The following VPS41 variants were observed in gnomAD, a reference collection of about 807,000 sequenced individuals.
VPS41 encodes vacuolar protein sorting-associated protein 41 homolog.
VPS41 carries 85 observed loss-of-function variants against 130.9 expected under a neutral mutation model. The ratio of observed to expected loss-of-function variants is 0.65; its 90% CI spans 0.55 to 0.78. The LOEUF is 0.78. VPS41 is among the 30% of genes least tolerant of loss of function. The probability of loss-of-function intolerance (pLI) is 0.00; values close to 1 mark genes in which losing one functional copy is unlikely to be tolerated. For synonymous variants in VPS41, 335 were observed against 332.9 expected (o/e 1.01, Z -0.07); for missense variants, 874 against 1,018.7 (o/e 0.86, Z 1.93).
chr7:38,806,617 C>T (rs1175268826), intron 7 of VPS41, among the ~76,000 whole-genome samples: 1 of 152,074 alleles, frequency 6.6e-6, no homozygotes. Context: ...CAATGAAGGT[C>T]AGAAAGAACA....
At chr7:38,734,588 T>C (rs897188542) in intron 25 of VPS41, among the ~76,000 whole-genome samples, 1 of 152,130 alleles carries the variant, frequency 6.6e-6, no homozygotes, top group Non-Finnish European at 1.5e-5. Context: ...TTGATAATAA[T>C]CCCAACCAAA....
intron 4 of VPS41, among the ~76,000 whole-genome samples, chr7:38,844,359 G>C (rs1785679014): frequency 6.6e-6 from 1 of 152,150 alleles, no homozygotes; most frequent in African/African-American, 2.4e-5. Context: ...TATCTCCGTA[G>C]AGCCCTAATA....
chr7:38,879,807 G>A (rs183318668), intron 2 of VPS41, among the ~76,000 whole-genome samples: 21 of 152,038 alleles, frequency 1.4e-4, no homozygotes, highest in Admixed American at 2.6e-4. Context: ...CACATGGACC[G>A]GTGGGTTGGA....
At chr7:38,782,228 C>T (rs551308788) in intron 10 of VPS41, among the ~76,000 whole-genome samples, 110 of 152,262 alleles carry the variant, frequency 7.2e-4, no homozygotes, top group African/African-American at 2.6e-3. Context: ...GCTGGGCTGC[C>T]CAGCCTCTCA....
chr7:38,877,296 C>G (rs1048242795), intron 2 of VPS41, among the ~76,000 whole-genome samples: 1 of 152,112 alleles, frequency 6.6e-6, no homozygotes, highest in South Asian at 2.1e-4. Context: ...CCTCAGAGAT[C>G]ATCTAAACTA....
chr7:38,812,371 T>TA, intron 7 of VPS41, among the ~76,000 whole-genome samples: 1 of 152,248 alleles, frequency 6.6e-6, no homozygotes, highest in African/African-American at 2.4e-5. Context: ...ACTCCTGTCT[T>TA]ACATCATACA....
At chr7:38,878,224 A>G (rs2116369541) in intron 2 of VPS41, among the ~76,000 whole-genome samples, 1 of 152,320 alleles carries the variant, frequency 6.6e-6, no homozygotes, top group South Asian at 2.1e-4. Flanking sequence ...AAAAAAAAAT[A>G]GTAAGTCCAA....
chr7:38,810,636 C>T (rs147210344), intron 7 of VPS41, among the ~76,000 whole-genome samples: 128 of 152,218 alleles, frequency 8.4e-4, no homozygotes, highest in African/African-American at 2.8e-3. Context: ...GGCTGTCAGT[C>T]TAGAGATCAC....
intron 4 of VPS41, 99 bp downstream of exon 4, chr7:38,862,446 C>T (rs1046964457): frequency 3.1e-6 from 2 of 652,360 alleles, no homozygotes; most frequent in Admixed American, 3.1e-5. Context: ...AATAAAGATC[C>T]TCTTTATGCT....
At chr7:38,826,559 T>A (rs1291739075) in intron 5 of VPS41, among the ~76,000 whole-genome samples, 2 of 152,142 alleles carry the variant, frequency 1.3e-5, no homozygotes, top group Non-Finnish European at 2.9e-5. Flanking sequence ...TACTAAGTGA[T>A]TTTTCTGTTC....
At chr7:38,784,696 G>A (rs1234077728) in intron 10 of VPS41, among the ~76,000 whole-genome samples, 1 of 152,090 alleles carries the variant, frequency 6.6e-6, no homozygotes. Flanking sequence ...TAAGAATACA[G>A]AGATGCTTAG....
intron 4 of VPS41, among the ~76,000 whole-genome samples, chr7:38,852,543 G>C (rs1462952297): frequency 6.6e-6 from 1 of 152,182 alleles, no homozygotes; most frequent in East Asian, 1.9e-4. Context: ...TGAGTGGCTA[G>C]ATGAAAAATA....
chr7:38,819,573 A>C (rs557923792), intron 6 of VPS41, among the ~76,000 whole-genome samples: 24 of 152,242 alleles, frequency 1.6e-4, no homozygotes, highest in Non-Finnish European at 2.5e-4. Context: ...CAGCAAGGTC[A>C]CCAGTAACTT....
intron 4 of VPS41, among the ~76,000 whole-genome samples, chr7:38,839,579 C>T (rs1470236293): frequency 1.3e-5 from 2 of 151,958 alleles, no homozygotes; most frequent in African/African-American, 4.8e-5. Context: ...CAGGCATGCA[C>T]CACCACGTCC....
At chr7:38,909,054 C>T in intron 1 of VPS41, 100 bp downstream of exon 1, 1 of 1,446,856 alleles carries the variant, frequency 6.9e-7, no homozygotes, top group Non-Finnish European at 9.7e-7. Context: ...TGCGCTATTC[C>T]AGCAGCTCCG....
chr7:38,763,385 T>C (rs1416829889), intron 17 of VPS41, 70 bp downstream of exon 17: 7 of 1,091,342 alleles, frequency 6.4e-6, no homozygotes, highest in Non-Finnish European at 6.5e-6. Flanking sequence ...TGCTCCATTG[T>C]ATTCCTTTCT....
intron 15 of VPS41, among the ~76,000 whole-genome samples, chr7:38,766,608 A>C (rs2115809548): frequency 6.6e-6 from 1 of 152,266 alleles, no homozygotes. Flanking sequence ...CCCCACCCAA[A>C]TCTCATCTTG....
chr7:38,848,875 G>A (rs1460193920), intron 4 of VPS41, among the ~76,000 whole-genome samples: 2 of 152,168 alleles, frequency 1.3e-5, no homozygotes, highest in African/African-American at 4.8e-5. Flanking sequence ...ATCTGGGATA[G>A]TAGATTCCAC....
chr7:38,878,490 AAAC>A (rs1335788274), intron 2 of VPS41, among the ~76,000 whole-genome samples: 3 of 152,184 alleles, frequency 2.0e-5, no homozygotes, highest in African/African-American at 7.2e-5. Context: ...AGTACACCAA[AAAC>A]AACAAAAAAT....
Sources: gnomAD v4.1 joint callset for allele counts (sites outside exome capture counted in the v4.1 genomes callset) on GRCh38, gnomAD v4.1.1 for gene constraint, MANE v1.5 for transcripts, NCBI Gene and HGNC (gene_info 2026-07-23, HGNC 2026-07-21) for gene names.